The following PRPSAP1 variants were observed in gnomAD, a reference collection of about 807,000 sequenced individuals.
PRPSAP1 encodes phosphoribosyl pyrophosphate synthetase associated protein 1.
A neutral mutation model predicts 39.4 loss-of-function variants in PRPSAP1; 31 were observed. The observed-to-expected ratio is 0.79, with a 90% CI of 0.59 to 1.06. The LOEUF is 1.06. Among genes scored for constraint, PRPSAP1 ranks in the 50% least tolerant of loss-of-function variants. PRPSAP1 has a pLI of 0.00. For missense variants in PRPSAP1, 430 were observed against 511.6 expected, an observed-to-expected ratio of 0.84 and a Z score of 1.54; for synonymous variants, 212 against 192.6, an observed-to-expected ratio of 1.10 and a Z score of -0.83.
At chr17:76,348,655 G>C in intron 1 of PRPSAP1, 74 bp from the exon 2 acceptor site, 2 of 1,115,430 alleles carry the variant, frequency 1.8e-6, no homozygotes, top group East Asian at 2.8e-5. Context: ...ATATGCATAT[G>C]TCTAATAAAA....
In PRPSAP1 at chr17:76,311,022, TAAC is replaced by T. The variant is rs1194024397; in HGVS notation, c.*517_*519del. 2.6e-5 allele frequency: 4 copies of T among 152,248 alleles called. No homozygotes were observed. The highest frequency in any genetic ancestry group is 4.4e-5 in the Non-Finnish European group (3 of 68,076). 9.4% of individuals were successfully genotyped at this position (152,248 alleles called of 1,614,324 possible). ...TCTAATCTGACATCCTTGGAAGATG[TAAC>T]AACATGAATGCTTCATTTTTCAATG... is the stretch of plus-strand genomic sequence containing the variant. On this transcript the variant is annotated 3_prime_UTR_variant, in exon 10 of 10. Transcript: ENST00000446526.
rs770312968 is a variant in PRPSAP1 at position 76,328,848 on chromosome 17, G to C, written c.650C>G (p.Ala217Gly). 9 of 1,613,768 alleles carry C rather than the reference G, an allele frequency of 5.6e-6. No homozygotes were observed. The highest frequency in any genetic ancestry group is 5.9e-6 in the Non-Finnish European group (7 of 1,179,904). Residue 217 changes from alanine to glycine, a missense_variant, in exon 7 of 10, where the codon GCG becomes GGG. Around this residue, in one of 2 missense-constraint regions of PRPSAP1, gnomAD observed 278 missense variants for 376.3 expected, o/e 0.74. Transcript: ENST00000446526. ...PDAAKRAQSY[A>G]ERLRLGLAVI... ...GGCCAAACCCAGACGCAGTCTCTCC[G>C]CATAGGACTGGGCCCTAGAAGGACA...
At chr17:76,341,755 T>A (rs905741767) in intron 3 of PRPSAP1, among the ~76,000 whole-genome samples, 2 of 152,008 alleles carry the variant, frequency 1.3e-5, no homozygotes, top group Non-Finnish European at 2.9e-5. Flanking sequence ...CTGGCTAACA[T>A]GGTGAAACCC....
At chr17:76,334,852 A>C (rs1029345973) in intron 3 of PRPSAP1, among the ~76,000 whole-genome samples, 10 of 152,238 alleles carry the variant, frequency 6.6e-5, no homozygotes, top group Non-Finnish European at 1.3e-4. Context: ...GTAGAATCAA[A>C]GCAATTATCA....
chr17:76,345,237 T>TA (rs59693380), intron 2 of PRPSAP1, among the ~76,000 whole-genome samples: 11 of 62,202 alleles, frequency 1.8e-4, no homozygotes, highest in African/African-American at 4.3e-4. Context: ...TCCGTCTCAT[T>TA]AAAAAAAAAA....
chr17:76,320,786 CT>C (rs398120024), intron 7 of PRPSAP1, among the ~76,000 whole-genome samples: 121 of 143,470 alleles, frequency 8.4e-4, no homozygotes, highest in African/African-American at 1.6e-3. Context: ...ATTTTTCTCT[CT>C]TTTTTTTTTT....
intron 7 of PRPSAP1, among the ~76,000 whole-genome samples, chr17:76,315,729 T>TTC (rs1218570429): frequency 3.4e-5 from 4 of 119,102 alleles, no homozygotes; most frequent in African/African-American, 1.3e-4. Context: ...TTTTTTTTTT[T>TTC]CTTGAGACAG....
chr17:76,325,572 C>T (rs1411524697), intron 7 of PRPSAP1, among the ~76,000 whole-genome samples: 3 of 149,942 alleles, frequency 2.0e-5, no homozygotes, highest in Non-Finnish European at 2.9e-5. Flanking sequence ...CCTCCACCAA[C>T]AAGATGGAGG....
upstream of PRPSAP1, chr17:76,354,069 T>G: frequency 9.5e-7 from 1 of 1,056,528 alleles, no homozygotes; most frequent in Non-Finnish European, 1.1e-6. Flanking sequence ...CTTTGACCGC[T>G]TCCACGGGAG....
intron 3 of PRPSAP1, among the ~76,000 whole-genome samples, chr17:76,338,123 C>T (rs2071398007): frequency 6.6e-6 from 1 of 152,048 alleles, no homozygotes; most frequent in South Asian, 2.1e-4. Context: ...AAAATTAAAC[C>T]TATCCTCAAC....
rs1248201179 is a variant in PRPSAP1 at position 76,353,728 on chromosome 17, A to T, written c.-25T>A. The T allele has an allele frequency of 2.8e-6, 4 of 1,436,798 alleles. No homozygotes were observed. Among genetic ancestry groups the T allele is most frequent in the Admixed American group, 2.8e-5 (1 of 36,244 alleles). 89.0% of individuals were successfully genotyped at this position (1,436,798 alleles called of 1,614,324 possible). On this transcript the variant is annotated 5_prime_UTR_variant, in exon 1 of 10. Coordinates refer to ENST00000446526, the MANE Select transcript of PRPSAP1 (RefSeq NM_002766.3). ...TCGTCCGGCCCGCGGCGCGGTTACG[A>T]CCGGCCCCGCGCGGGGCTGCACTCT...
At chr17:76,320,423 C>CCTT (rs2071182949) in intron 7 of PRPSAP1, among the ~76,000 whole-genome samples, 1 of 73,410 alleles carries the variant, frequency 1.4e-5, no homozygotes, top group African/African-American at 6.2e-5. Context: ...GCAGATAATG[C>CCTT]TTTTTTTTTT....
chr17:76,349,459 A>G (rs2143553294), intron 1 of PRPSAP1, among the ~76,000 whole-genome samples: 1 of 152,072 alleles, frequency 6.6e-6, no homozygotes, highest in Admixed American at 6.6e-5. Flanking sequence ...ATGTAAGATA[A>G]TCTATTTAAA....
chr17:76,319,316 C>T (rs1211567722), intron 7 of PRPSAP1: 4 of 152,100 alleles, frequency 2.6e-5, no homozygotes, highest in African/African-American at 7.2e-5. Context: ...CAGGTAGTGA[C>T]GTGTGGTAAC....
Position 76,332,290 on chromosome 17 carries a change from G to C in PRPSAP1, c.436C>G (p.Leu146Val). 1 of 1,614,152 alleles carries C rather than the reference G, an allele frequency of 6.2e-7. No individual in the cohort carries two copies. Among genetic ancestry groups the C allele is most frequent in the Non-Finnish European group, 8.5e-7 (1 of 1,180,026 alleles). ...MRKRGSIVCK[L>V]LASMLAKAGL... ...GCTTTCGCCAGCATGGATGCTAGCA[G>C]CTTGCACACAATGGAACCCCTCTTC... The change falls in exon 4 of 10, where the codon CTG becomes GTG. Residue 146 changes from leucine to valine, a missense_variant. Leu to Val is a conservative substitution (Grantham distance 32). Coordinates refer to ENST00000446526, the MANE Select transcript of PRPSAP1 (RefSeq NM_002766.3).
chr17:76,351,034 AAAAC>A lies in PRPSAP1; in HGVS notation c.171-2457_171-2454del, dbSNP rs1006105283. 1.4e-4 allele frequency among the ~76,000 whole-genome samples: 22 copies of A among 152,082 alleles called. 1 individual carries two copies. Among genetic ancestry groups the A allele is most frequent in the African/African-American group, 2.6e-4 (11 of 41,534 alleles). On this transcript the variant is annotated intron_variant, in intron 1 of 9. Transcript: ENST00000446526. Reference sequence around the variant, plus strand: ...GCAACAAGAGCAAAACTTCGTCTCAAAAACAAACAAACAAACAAAAAACGGTTAA... The same window carrying A: ...GCAACAAGAGCAAAACTTCGTCTCAAAAACAAACAAACAAAAAACGGTTAA...
In PRPSAP1 at chr17:76,327,487, T is replaced by C. The variant is rs2071266891; in HGVS notation, c.781+1230A>G. 3.3e-5 allele frequency among the ~76,000 whole-genome samples: 5 copies of C among 152,038 alleles called. No individual in the cohort carries two copies. The South Asian group carries it at 1.0e-3, about 32-fold the overall frequency. On this transcript the variant is annotated intron_variant, in intron 7 of 9. Coordinates refer to ENST00000446526, the MANE Select transcript of PRPSAP1 (RefSeq NM_002766.3). ...GGCCAACATGGTGAAAGCTCATCTC[T>C]ACTAAAAATACAAAAATTAGCTCGG... is the stretch of plus-strand genomic sequence containing the variant.
At chr17:76,325,951 C>T (rs757944088) in intron 7 of PRPSAP1, among the ~76,000 whole-genome samples, 1 of 151,978 alleles carries the variant, frequency 6.6e-6, no homozygotes, top group Non-Finnish European at 1.5e-5. Context: ...AATTAAGGTA[C>T]GTACATTGGT....
rs145059685 is a variant in PRPSAP1, at chr17:76,328,763, C to G, written c.735G>C (p.Pro245=). ...ELDMDDGRHS[P]PMVKNATVHP... ...GCACAGTAGCATTTTTGACCATAGG[C>G]GGGGAGTGACGACCATCGTCCATGT... is the stretch of plus-strand genomic sequence containing the variant. The change falls in exon 7 of 10, where the codon CCG becomes CCC. Residue 245 remains proline, a synonymous_variant. Transcript: ENST00000446526. 1.2e-6 allele frequency: 2 copies of G among 1,614,080 alleles called. No individual in the cohort carries two copies. Among genetic ancestry groups the G allele is most frequent in the African/African-American group, 2.7e-5 (2 of 75,000 alleles).
Sources: gnomAD v4.1 joint callset for allele counts (sites outside exome capture counted in the v4.1 genomes callset) on GRCh38, gnomAD v4.1.1 for gene constraint, gnomAD v4.1.1 regional missense constraint, MANE v1.5 for transcripts, NCBI Gene and HGNC (gene_info 2026-07-23, HGNC 2026-07-21) for gene names.